ASRGL1: variants seen among roughly 807,000 people sequenced by gnomAD.
ASRGL1 encodes the protein asparaginase and isoaspartyl peptidase 1.
ASRGL1 carries 16 observed loss-of-function variants against 22.4 expected under a neutral mutation model. The ratio of observed to expected loss-of-function variants is 0.71; its 90% confidence interval spans 0.48 to 1.08. ASRGL1 has a LOEUF of 1.08. Among genes scored for constraint, ASRGL1 ranks in the 50% least tolerant of loss-of-function variants. ASRGL1 has a pLI of 0.00. For synonymous variants in ASRGL1, 165 were observed against 159.3 expected (o/e 1.04, Z -0.27); for missense variants, 412 against 410.1 (o/e 1.00, Z -0.04).
intron 4 of ASRGL1, among the ~76,000 whole-genome samples, chr11:62,368,618 G>A (rs368044206): frequency 2.0e-5 from 3 of 152,096 alleles, no homozygotes; most frequent in African/African-American, 4.8e-5. Context: ...GGCGCTCAGC[G>A]TACGGAGGAC....
chr11:62,388,258 A>G lies in ASRGL1; in HGVS notation c.492-875A>G, dbSNP rs554954402. ...AACATCATAGGTGGCACATGACTGTATTCGAGAATTCATAATAAAATGTTA... is the reference window on the plus strand; with the variant it reads ...AACATCATAGGTGGCACATGACTGTGTTCGAGAATTCATAATAAAATGTTA... On this transcript the variant is annotated intron_variant, in intron 4 of 6. Coordinates refer to ENST00000415229, the MANE Select transcript of ASRGL1 (RefSeq NM_001083926.2). 2.6e-5 allele frequency among the ~76,000 whole-genome samples: 4 copies of G among 152,330 alleles called. No homozygotes were observed. In the South Asian group the frequency reaches 8.3e-4, roughly 32 times the overall value.
chr11:62,391,229 T>C (rs1380889599), intron 5 of ASRGL1, among the ~76,000 whole-genome samples: 1 of 152,178 alleles, frequency 6.6e-6, no homozygotes, highest in African/African-American at 2.4e-5. Context: ...GGTGGCTTCA[T>C]TGAGCAAAAA....
chr11:62,401,089 C>T, the ASRGL1 span, among the ~76,000 whole-genome samples: 2 of 152,208 alleles, frequency 1.3e-5, no homozygotes, highest in African/African-American at 4.8e-5. Flanking sequence ...ACAGGGCAGC[C>T]GAACTCCAGA....
chr11:62,339,571 T>G (rs1324713326), intron 2 of ASRGL1, among the ~76,000 whole-genome samples: 1 of 152,228 alleles, frequency 6.6e-6, no homozygotes, highest in Non-Finnish European at 1.5e-5. Context: ...TTATTGAATC[T>G]GAACATTAAA....
chr11:62,389,792 T>G, intron 5 of ASRGL1: 1 of 217,480 alleles, frequency 4.6e-6, no homozygotes, highest in South Asian at 7.2e-5. Flanking sequence ...GGCTGTATGT[T>G]TCACTCCGTG....
intron 2 of ASRGL1, among the ~76,000 whole-genome samples, chr11:62,345,050 C>T (rs1244292980): frequency 6.6e-6 from 1 of 152,186 alleles, no homozygotes; most frequent in Non-Finnish European, 1.5e-5. Context: ...ATGACAGAAT[C>T]TCATTCTTTT....
the ASRGL1 span, among the ~76,000 whole-genome samples, chr11:62,398,791 C>T: frequency 6.6e-6 from 1 of 152,210 alleles, no homozygotes; most frequent in African/African-American, 2.4e-5. Flanking sequence ...TTATCTCTGG[C>T]TTTGGCACAA....
intron 4 of ASRGL1, chr11:62,371,216 C>T: frequency 4.0e-6 from 5 of 1,245,498 alleles, no homozygotes; most frequent in Non-Finnish European, 4.2e-6. Flanking sequence ...GCCCAGGAAA[C>T]GTGGCGGCCC....
intron 4 of ASRGL1, among the ~76,000 whole-genome samples, chr11:62,365,263 G>A (rs997818120): frequency 6.6e-6 from 1 of 151,770 alleles, no homozygotes; most frequent in Non-Finnish European, 1.5e-5. Context: ...GCTAAGAGGA[G>A]ATTTTAGAGG....
At chr11:62,387,713 G>GT (rs1269358155) in intron 4 of ASRGL1, among the ~76,000 whole-genome samples, 5 of 152,170 alleles carry the variant, frequency 3.3e-5, no homozygotes, top group South Asian at 2.1e-4. Flanking sequence ...TGGGTTTTTT[G>GT]TTTTTTTGTT....
intron 4 of ASRGL1, among the ~76,000 whole-genome samples, chr11:62,369,816 G>C (rs911296390): frequency 6.6e-6 from 1 of 152,078 alleles, no homozygotes; most frequent in African/African-American, 2.4e-5. Context: ...TATAAACTCG[G>C]GGTGTAATAC....
chr11:62,365,395 T>C (rs980849744), intron 4 of ASRGL1, among the ~76,000 whole-genome samples: 6 of 145,964 alleles, frequency 4.1e-5, no homozygotes, highest in Non-Finnish European at 9.1e-5. Flanking sequence ...TTCTACTAAA[T>C]ATACAAAAAT....
downstream of ASRGL1, chr11:62,393,418 G>C (rs1947388955): frequency 6.6e-6 from 1 of 152,192 alleles, no homozygotes; most frequent in South Asian, 2.1e-4. Flanking sequence ...AAGAATAAGG[G>C]TGTGGTTGGG....
chr11:62,398,592 C>CT, the ASRGL1 span, among the ~76,000 whole-genome samples: 1 of 152,158 alleles, frequency 6.6e-6, no homozygotes, highest in Non-Finnish European at 1.5e-5. Flanking sequence ...AGTATTTCAT[C>CT]TTTTTTAAAA....
chr11:62,350,064 C>A (rs1946133782), intron 2 of ASRGL1, among the ~76,000 whole-genome samples: 1 of 152,106 alleles, frequency 6.6e-6, no homozygotes. Flanking sequence ...TGTGTCTCAT[C>A]CTGTGACTTA....
rs748163624 is a variant in ASRGL1, at chr11:62,392,737, A to AG, written c.*454dup. The AG allele has an allele frequency of 2.2e-5, 4 of 185,328 alleles. No individual in the cohort carries two copies. The highest frequency in any genetic ancestry group is 3.4e-5 in the Non-Finnish European group (3 of 88,040). The allele number at this position is 185,328 out of a possible 1,614,324, so 11.5% of individuals were successfully genotyped here. A position where few individuals can be genotyped will look rare whatever the true frequency, so the allele number is the denominator to read the frequency against. On this transcript the variant is annotated 3_prime_UTR_variant, in exon 7 of 7. Coordinates refer to ENST00000415229, the MANE Select transcript of ASRGL1 (RefSeq NM_001083926.2). ...AAAGTGACACAGCAGCAGTAGAAGC[A>AG]GTGGTGGGCGAAGCCCAGGTGACCC...
intron 4 of ASRGL1, 69 bp from the exon 5 acceptor site, chr11:62,389,064 G>T: frequency 1.5e-6 from 2 of 1,353,046 alleles, no homozygotes; most frequent in Middle Eastern, 1.8e-4. Flanking sequence ...TGGTTTTAAG[G>T]TACATTGTTG....
At chr11:62,367,793 C>T (rs1376112818) in intron 4 of ASRGL1, among the ~76,000 whole-genome samples, 3 of 149,450 alleles carry the variant, frequency 2.0e-5, no homozygotes, top group East Asian at 4.0e-4. Context: ...AATACAAAAA[C>T]TAGCTGGGCA....
intron 4 of ASRGL1, chr11:62,371,284 AGC>A: frequency 7.2e-7 from 1 of 1,380,968 alleles, no homozygotes; most frequent in Non-Finnish European, 9.5e-7. Flanking sequence ...TGGCAGCAGC[AGC>A]AGCGGCGACG....
Sources: gnomAD v4.1 joint callset for allele counts (sites outside exome capture counted in the v4.1 genomes callset) on GRCh38, gnomAD v4.1.1 for gene constraint, MANE v1.5 for transcripts, NCBI Gene and HGNC (gene_info 2026-07-23, HGNC 2026-07-21) for gene names.